Variants in GFPT2 observed in about 807,000 individuals in gnomAD.
GFPT2 encodes glutamine--fructose-6-phosphate aminotransferase [isomerizing] 2.
In GFPT2, 62 loss-of-function variants were observed where a neutral mutation model predicts 85.6. The ratio of observed to expected loss-of-function variants is 0.72; its 90% CI spans 0.59 to 0.90. GFPT2 has a LOEUF of 0.90. Ranked by LOEUF, GFPT2 falls within the 40% of genes least tolerant of loss-of-function variation. The pLI is 0.00. For missense variants in GFPT2, 788 were observed against 893.4 expected (o/e 0.88, Z 1.50); for synonymous variants, 368 against 344.5 (o/e 1.07, Z -0.75).
rs1240392471 is a variant in GFPT2 at position 180,318,592 on chromosome 5, G to A, written c.958+201C>T. Reference sequence around the variant, plus strand: ...AAGACCTGGCGGCTGGCTGCACACAGGAGCCCCCGCTTGGAGGTGCCAGGC... The same window carrying A: ...AAGACCTGGCGGCTGGCTGCACACAAGAGCCCCCGCTTGGAGGTGCCAGGC... On this transcript the variant is annotated intron_variant, in intron 10 of 18. Transcript: ENST00000253778. The surrounding 1 kb of genome is among the most constrained non-coding windows in gnomAD (Gnocchi z 4.2). 5.2e-6 allele frequency: 3 copies of A among 572,802 alleles called. No homozygotes were observed. The highest frequency in any genetic ancestry group is 9.4e-6 in the Non-Finnish European group (3 of 319,804). 35.5% of individuals were successfully genotyped at this position (572,802 alleles called of 1,614,324 possible). A position where few individuals can be genotyped will look rare whatever the true frequency, so the allele number is the denominator to read the frequency against.
Position 180,316,881 on chromosome 5 carries a change from G to A in GFPT2, c.1055-20C>T. The A allele has an allele frequency of 6.3e-7, 1 of 1,595,646 alleles. No individual in the cohort carries two copies. Among genetic ancestry groups the A allele is most frequent in the Admixed American group, 1.7e-5 (1 of 60,002 alleles). ...GGAGCACTGCAGGGCACACGACAAG[G>A]CGTTAATGCTGAGTCTACACAGTCA... is the stretch of plus-strand genomic sequence containing the variant. On this transcript the variant is annotated intron_variant, in intron 11 of 18. Coordinates refer to ENST00000253778, the MANE Select transcript of GFPT2 (RefSeq NM_005110.4).
At chr5:180,316,685 C>T in intron 12 of GFPT2, 79 bp downstream of exon 12, 1 of 1,068,184 alleles carries the variant, frequency 9.4e-7, no homozygotes. Context: ...TTCAGAAGGC[C>T]ACATGAGTGA....
At chr5:180,310,003 G>A (rs1291181091) in intron 15 of GFPT2, among the ~76,000 whole-genome samples, 1 of 151,266 alleles carries the variant, frequency 6.6e-6, no homozygotes, top group East Asian at 2.0e-4. Flanking sequence ...GTAGAGACGG[G>A]GTTTCACCAT....
At chr5:180,316,501 C>G in intron 12 of GFPT2, 40 bp from the exon 13 acceptor site, 7 of 1,611,830 alleles carry the variant, frequency 4.3e-6, no homozygotes, top group Non-Finnish European at 5.9e-6. Context: ...AAGTCAGTCA[C>G]AGGCACGACA....
At chr5:180,353,087 G>T (rs1344629976) in intron 1 of GFPT2, 124 bp downstream of exon 1, 6 of 785,532 alleles carry the variant, frequency 7.6e-6, no homozygotes, top group South Asian at 6.4e-5. Flanking sequence ...GTAGGGGCCC[G>T]GGGCAGATCG....
intron 16 of GFPT2, among the ~76,000 whole-genome samples, 192 bp from the exon 17 acceptor site, chr5:180,305,131 C>G (rs1192393353): frequency 6.6e-6 from 1 of 152,110 alleles, no homozygotes; most frequent in Non-Finnish European, 1.5e-5. Flanking sequence ...AGAGGCCTGG[C>G]TACCATCCAG....
At chr5:180,347,551 T>C (rs1305869790) in intron 1 of GFPT2, among the ~76,000 whole-genome samples, 2 of 152,070 alleles carry the variant, frequency 1.3e-5, no homozygotes, top group Non-Finnish European at 2.9e-5. Flanking sequence ...CTGTAGCCTC[T>C]TGGCCCCGGC....
At chr5:180,312,709 G>A (rs771798974) in intron 14 of GFPT2, among the ~76,000 whole-genome samples, 165 bp from the exon 15 acceptor site, 4 of 151,942 alleles carry the variant, frequency 2.6e-5, no homozygotes, top group Admixed American at 6.6e-5. Flanking sequence ...TCAGCCTCCC[G>A]AGTAACTGGG....
chr5:180,324,670 C>G (rs966857187), intron 8 of GFPT2, 146 bp downstream of exon 8: 1 of 658,602 alleles, frequency 1.5e-6, no homozygotes, highest in African/African-American at 1.8e-5. Context: ...TGCACAAAAA[C>G]CTTTTAGACC....
chr5:180,317,479 G>A (rs1764032539), intron 10 of GFPT2, among the ~76,000 whole-genome samples: 1 of 145,252 alleles, frequency 6.9e-6, no homozygotes, highest in Admixed American at 6.6e-5. Flanking sequence ...ACCTTTCCAG[G>A]CCGGGCGCAG....
intron 10 of GFPT2, among the ~76,000 whole-genome samples, chr5:180,317,524 C>T (rs1401707449): frequency 6.9e-6 from 1 of 145,196 alleles, no homozygotes; most frequent in African/African-American, 2.9e-5. Flanking sequence ...CTTTGGGAGG[C>T]CGAGGCGGGC....
At chr5:180,308,099 A>G (rs1452185265) in intron 15 of GFPT2, among the ~76,000 whole-genome samples, 1 of 152,120 alleles carries the variant, frequency 6.6e-6, no homozygotes, top group Admixed American at 6.6e-5. Context: ...TACTAAAAAT[A>G]CAAAAAATTA....
chr5:180,301,601 A>G lies in GFPT2; in HGVS notation c.2012T>C (p.Phe671Ser). 1 of 1,613,438 alleles carries G rather than the reference A, an allele frequency of 6.2e-7. No individual in the cohort carries two copies. The highest frequency in any genetic ancestry group is 8.5e-7 in the Non-Finnish European group (1 of 1,179,330). ...TACAGACTTGGCCAGATTTCTGGGG[A>G]AGTCAACCTAAAATGAAAGAAAGTG... ...LAVLRGYDVDFPRNLAKSVTV... is the reference protein window; with the variant it reads ...LAVLRGYDVDSPRNLAKSVTV... Residue 671 changes from phenylalanine (F) to serine (S), a missense_variant, in exon 19 of 19, where the codon TTC (phenylalanine) becomes TCC (serine). Physicochemically the swap from Phe to Ser is radical, Grantham distance 155. Transcript: ENST00000253778.
chr5:180,315,439 A>G (rs1016479483), intron 13 of GFPT2, among the ~76,000 whole-genome samples: 16 of 152,014 alleles, frequency 1.1e-4, no homozygotes, highest in Admixed American at 1.0e-3. Flanking sequence ...CAGCCTCCCA[A>G]AGTGCTGGGA....
chr5:180,306,111 T>G (rs1199702064), intron 16 of GFPT2, among the ~76,000 whole-genome samples: 1 of 151,902 alleles, frequency 6.6e-6, no homozygotes, highest in African/African-American at 2.4e-5. Context: ...CAGCCTCCCA[T>G]GTAGCTGGGA....
Position 180,318,601 on chromosome 5 carries a change from G to A in GFPT2, c.958+192C>T, listed in dbSNP as rs972314811. ...CGGCTGGCTGCACACAGGAGCCCCC[G>A]CTTGGAGGTGCCAGGCCAGCCTCCC... is the stretch of plus-strand genomic sequence containing the variant. On this transcript the variant is annotated intron_variant, in intron 10 of 18. Transcript: ENST00000253778. The surrounding 1 kb of genome is among the most constrained non-coding windows in gnomAD (Gnocchi z 4.2). 14 of 576,492 alleles carry A rather than the reference G, an allele frequency of 2.4e-5. No homozygotes were observed. The highest frequency in any genetic ancestry group is 3.1e-5 in the Non-Finnish European group (10 of 322,362). The allele number at this position is 576,492 out of a possible 1,614,324, so 35.7% of individuals were successfully genotyped here.
rs775095231 is a variant in GFPT2 at position 180,328,478 on chromosome 5, C to T, written c.535-140G>A. The T allele has an allele frequency of 5.9e-5, 39 of 657,256 alleles. No homozygotes were observed. The highest frequency in any genetic ancestry group is 1.5e-4 in the Admixed American group (6 of 40,134). The allele number at this position is 657,256 out of a possible 1,614,324, so 40.7% of individuals were successfully genotyped here. The stretch of plus-strand genomic sequence containing the variant: ...CCTCGGGGAGCTGAGTGCAGAACAG[C>T]GCATCCGGGGTGACATCACGAGGGA... On this transcript the variant is annotated intron_variant, in intron 6 of 18. Coordinates refer to ENST00000253778, the MANE Select transcript of GFPT2 (RefSeq NM_005110.4). This position sits in a 1 kb window ranked among gnomAD's most constrained non-coding sequence, Gnocchi z 5.4.
In GFPT2 at chr5:180,307,427, C is replaced by T. The variant is rs1763803977; in HGVS notation, c.1547-124G>A. Reference sequence around the variant, plus strand: ...CCGCATCACTTAGCACACTTTGCTTCCTCGCATTCGTTTCAAACGTAGATT... The same window carrying T: ...CCGCATCACTTAGCACACTTTGCTTTCTCGCATTCGTTTCAAACGTAGATT... On this transcript the variant is annotated intron_variant, in intron 15 of 18. Coordinates refer to ENST00000253778, the MANE Select transcript of GFPT2 (RefSeq NM_005110.4). 4.4e-6 allele frequency: 4 copies of T among 900,406 alleles called. No individual in the cohort carries two copies. The East Asian group carries it at 7.6e-5, about 17-fold the overall frequency. The allele number at this position is 900,406 out of a possible 1,614,324, so 55.8% of individuals were successfully genotyped here.
In GFPT2 at chr5:180,331,549, A is replaced by G. The variant is rs1358501738; in HGVS notation, c.345T>C (p.Phe115=). ...TGATGATCCCATTGTGGATGACAAC[A>G]AATTCTGAAAGAAAAGTTAAGAGAG... The part of the protein sequence containing the change: ...HPQRSDKGNE[F]VVIHNGIITN... The change falls in exon 5 of 19, where the codon TTT becomes TTC. Residue 115 remains phenylalanine, a synonymous_variant. Coordinates refer to ENST00000253778, the MANE Select transcript of GFPT2 (RefSeq NM_005110.4). The G allele has an allele frequency of 6.4e-7, 1 of 1,570,264 alleles. No individual in the cohort carries two copies. Among genetic ancestry groups the G allele is most frequent in the Admixed American group, 1.7e-5 (1 of 59,962 alleles).
Sources: allele counts gnomAD v4.1 joint callset (sites outside exome capture counted in the v4.1 genomes callset), GRCh38; gene constraint gnomAD v4.1.1; non-coding constraint Gnocchi (gnomAD v3.1); transcripts MANE v1.5; gene names NCBI Gene and HGNC (gene_info 2026-07-23, HGNC 2026-07-21).